Variants in SHANK2 observed in about 807,000 individuals in gnomAD.
SHANK2 encodes the protein SH3 and multiple ankyrin repeat domains protein 2.
SHANK2 carries 43 observed loss-of-function variants against 133.7 expected under a neutral mutation model. The ratio of observed to expected loss-of-function variants is 0.32; its 90% CI spans 0.25 to 0.41. The LOEUF is 0.41. Ranked by LOEUF, SHANK2 falls within the 10% of genes least tolerant of loss-of-function variation. The pLI is 1.00. For missense variants in SHANK2, 1,994 were observed against 2,235.8 expected (o/e 0.89, Z 2.18); for synonymous variants, 1,017 against 952.8 (o/e 1.07, Z -1.24).
chr11:70,470,086 G>A lies in SHANK2; in HGVS notation c.*2783C>T, dbSNP rs888670814. 1 of 152,730 alleles carries A rather than the reference G, an allele frequency of 6.5e-6. No homozygotes were observed. The highest frequency in any genetic ancestry group is 2.1e-4 in the South Asian group (1 of 4,824). The allele number at this position is 152,730 out of a possible 1,614,324, so 9.5% of individuals were successfully genotyped here. A position where few individuals can be genotyped will look rare whatever the true frequency, so the allele number is the denominator to read the frequency against. On this transcript the variant is annotated 3_prime_UTR_variant, in exon 26 of 26. Transcript: ENST00000601538. Reference sequence around the variant, plus strand: ...ACCATTAAAGAGGGGCATGGAATAGGGCCTCGTCCTAACATGTCCCAAAGG... The same window carrying A: ...ACCATTAAAGAGGGGCATGGAATAGAGCCTCGTCCTAACATGTCCCAAAGG...
chr11:70,779,816 C>A (rs1356553545), intron 14 of SHANK2, among the ~76,000 whole-genome samples: 1 of 152,152 alleles, frequency 6.6e-6, no homozygotes, highest in Admixed American at 6.5e-5. Context: ...GTTCCAGCAC[C>A]CCAACTGTCC....
At chr11:70,910,372 G>C (rs1295826058) in intron 10 of SHANK2, among the ~76,000 whole-genome samples, 1 of 152,186 alleles carries the variant, frequency 6.6e-6, no homozygotes, top group South Asian at 2.1e-4. Context: ...CTCCCCTCAC[G>C]TGGTCTGTTT....
chr11:71,181,119 A>G (rs1004018751), intron 2 of SHANK2, among the ~76,000 whole-genome samples: 2 of 152,100 alleles, frequency 1.3e-5, no homozygotes, highest in Non-Finnish European at 2.9e-5. Context: ...TGACGAGGGG[A>G]GGTCTGGAGA....
intron 25 of SHANK2, chr11:70,477,513 G>A (rs561981598): frequency 3.3e-5 from 5 of 152,230 alleles, no homozygotes; most frequent in African/African-American, 1.2e-4. Flanking sequence ...TAGCATTGGA[G>A]TGAAGTTCGC....
intron 10 of SHANK2, chr11:70,949,951 T>G: frequency 2.4e-6 from 1 of 414,636 alleles, no homozygotes; most frequent in Non-Finnish European, 4.8e-6. Context: ...TGGCCGGGAG[T>G]CCAGGATCAA....
At chr11:70,721,675 T>A (rs1946078115) in intron 14 of SHANK2, among the ~76,000 whole-genome samples, 2 of 152,210 alleles carry the variant, frequency 1.3e-5, no homozygotes, top group South Asian at 4.1e-4. Context: ...ACCACTGGCA[T>A]GCCACAGGCA....
At position 70,896,452 on chromosome 11, in the gene SHANK2, A is replaced by G. The variant is rs781910171; in HGVS notation, c.1174+49T>C. On this transcript the variant is annotated intron_variant, in intron 11 of 25. Transcript: ENST00000601538. ...AGCTGGTGAGTGACTGATTCCTCAG[A>G]GCATCTCCAAACCAAATCCCAACAC... is the stretch of plus-strand genomic sequence containing the variant. 14 of 689,416 alleles carry G rather than the reference A, an allele frequency of 2.0e-5. No homozygotes were observed. The East Asian group carries it at 3.8e-4, about 19-fold the overall frequency. 42.7% of individuals were successfully genotyped at this position (689,416 alleles called of 1,614,324 possible).
chr11:71,055,944 A>G (rs1950912776), intron 10 of SHANK2, among the ~76,000 whole-genome samples: 3 of 151,820 alleles, frequency 2.0e-5, no homozygotes. Context: ...AAATGGTTCA[A>G]ATGTTAAATG....
intron 17 of SHANK2, among the ~76,000 whole-genome samples, chr11:70,536,582 G>A (rs1384176931): frequency 2.6e-5 from 4 of 152,138 alleles, no homozygotes; most frequent in African/African-American, 7.2e-5. Context: ...CCAGGGACCC[G>A]ATTCCCACAC....
intron 14 of SHANK2, among the ~76,000 whole-genome samples, chr11:70,785,978 C>T (rs1555046371): frequency 6.6e-6 from 1 of 152,088 alleles, no homozygotes; most frequent in African/African-American, 2.4e-5. Context: ...GGGCTGGTGT[C>T]CTACCTGCTA....
At chr11:70,537,896 T>C (rs980526522) in intron 17 of SHANK2, among the ~76,000 whole-genome samples, 1 of 152,044 alleles carries the variant, frequency 6.6e-6, no homozygotes, top group Admixed American at 6.5e-5. Flanking sequence ...CCAGGAGGCA[T>C]TTTATGGGGC....
intron 4 of SHANK2, among the ~76,000 whole-genome samples, chr11:71,116,467 T>A (rs1017528337): frequency 1.3e-5 from 2 of 152,212 alleles, no homozygotes; most frequent in African/African-American, 4.8e-5. Context: ...CGTGGAAATG[T>A]GTAGGGCTGC....
At chr11:71,203,627 G>T (rs528225542) in intron 2 of SHANK2, among the ~76,000 whole-genome samples, 10 of 152,272 alleles carry the variant, frequency 6.6e-5, no homozygotes, top group African/African-American at 2.4e-4. Flanking sequence ...GAAAGACGGG[G>T]TCCTTACCCA....
chr11:70,792,576 TATTTC>T (rs1382552817), intron 14 of SHANK2, among the ~76,000 whole-genome samples: 1 of 152,246 alleles, frequency 6.6e-6, no homozygotes, highest in Non-Finnish European at 1.5e-5. Flanking sequence ...GTCACTCACT[TATTTC>T]ATTTAATGTT....
intron 15 of SHANK2, among the ~76,000 whole-genome samples, chr11:70,693,930 A>G (rs1945340474): frequency 2.6e-5 from 4 of 152,172 alleles, no homozygotes; most frequent in Admixed American, 2.6e-4. Flanking sequence ...GGATAGATAA[A>G]TAGGTGGATA....
At chr11:70,653,134 G>A (rs966043834) in intron 17 of SHANK2, among the ~76,000 whole-genome samples, 24 of 151,938 alleles carry the variant, frequency 1.6e-4, no homozygotes, top group African/African-American at 5.1e-4. Flanking sequence ...CACCACACCC[G>A]GCTAATTTTT....
At chr11:70,554,987 T>C (rs1258525937) in intron 17 of SHANK2, among the ~76,000 whole-genome samples, 2 of 151,538 alleles carry the variant, frequency 1.3e-5, no homozygotes, top group Non-Finnish European at 2.9e-5. Flanking sequence ...CAGCACGTGC[T>C]CACTTTGCAT....
In SHANK2 at chr11:70,804,820, G is replaced by T. The variant is rs1269137524; in HGVS notation, c.1663+2182C>A. ...TGGGTCCTCAAGTCTGCCTACCACT[G>T]CCAGCCTGTGGGAGACTCGGATCCA... On this transcript the variant is annotated intron_variant, in intron 13 of 25. Transcript: ENST00000601538. This position sits in a 1 kb window ranked among gnomAD's most constrained non-coding sequence, Gnocchi z 4.1. 3.9e-5 allele frequency among the ~76,000 whole-genome samples: 6 copies of T among 152,160 alleles called. No individual in the cohort carries two copies. The highest frequency in any genetic ancestry group is 1.4e-4 in the African/African-American group (6 of 41,444).
intron 11 of SHANK2, among the ~76,000 whole-genome samples, chr11:70,869,414 C>G (rs782535558): frequency 6.6e-6 from 1 of 152,180 alleles, no homozygotes; most frequent in Non-Finnish European, 1.5e-5. Context: ...GTTATTAAAC[C>G]CACTGGGACC....
Sources: gnomAD v4.1 joint callset for allele counts (sites outside exome capture counted in the v4.1 genomes callset) on GRCh38, gnomAD v4.1.1 for gene constraint, Gnocchi (gnomAD v3.1) non-coding constraint, MANE v1.5 for transcripts, NCBI Gene and HGNC (gene_info 2026-07-23, HGNC 2026-07-21) for gene names.